Variants in ETFB observed in about 807,000 individuals in gnomAD.
ETFB encodes beta-ETF.
ETFB carries 20 observed loss-of-function variants against 25.6 expected under a neutral mutation model. The observed-to-expected ratio is 0.78, with a 90% CI of 0.55 to 1.14. The LOEUF (loss-of-function observed/expected upper bound fraction) is 1.14, where lower values mean the gene tolerates loss of function less well. Among genes scored for constraint, ETFB ranks in the 50% most tolerant of loss-of-function variants. ETFB has a pLI of 0.00. For synonymous variants in ETFB, 142 were observed against 146.7 expected (o/e 0.97, Z 0.23); for missense variants, 286 against 342.6 (o/e 0.83, Z 1.30).
chr19:51,350,909 T>C (rs1284742741), intron 3 of ETFB, among the ~76,000 whole-genome samples: 1 of 152,240 alleles, frequency 6.6e-6, no homozygotes, highest in Non-Finnish European at 1.5e-5. Context: ...AATGAATGTA[T>C]GTGGTGATGT....
chr19:51,360,260 A>G (rs114695141), intron 1 of ETFB, among the ~76,000 whole-genome samples: 2,593 of 151,838 alleles, frequency 0.017, 89 homozygotes, highest in African/African-American at 0.061. Context: ...AAATTAGTCG[A>G]GCGTTTTAGC....
At position 51,353,895 on chromosome 19, in the gene ETFB, G is replaced by A. The variant is rs575088011; in HGVS notation, c.216+255C>T. ...CCCATCCCCTTCTTCCTCAGACCCA[G>A]GAGTCCAGGGCCCCATCCCCTCCTT... On this transcript the variant is annotated intron_variant, in intron 2 of 5. Transcript: ENST00000309244. Among the ~76,000 whole-genome samples, 39 of 40,822 alleles carry A rather than the reference G, an allele frequency of 9.6e-4. 10 individuals carry two copies. Among genetic ancestry groups the A allele is most frequent in the African/African-American group, 3.7e-3 (21 of 5,676 alleles). 26.8% of individuals were successfully genotyped at this position (40,822 alleles called of 152,430 possible). A position where few individuals can be genotyped will look rare whatever the true frequency, so the allele number is the denominator to read the frequency against.
At chr19:51,358,392 C>T (rs915624118) in intron 1 of ETFB, among the ~76,000 whole-genome samples, 2 of 152,098 alleles carry the variant, frequency 1.3e-5, no homozygotes, top group African/African-American at 2.4e-5. Context: ...TGAGACCGGG[C>T]GCAGTGGCTC....
chr19:51,350,335 C>T lies in ETFB; in HGVS notation c.432G>A (p.Trp144Ter). The T allele has an allele frequency of 6.2e-7, 1 of 1,610,494 alleles. No individual in the cohort carries two copies. The highest frequency in any genetic ancestry group is 1.1e-5 in the South Asian group (1 of 90,194). ...CTCCCCACTCCAGTCTCACCTGTGGCCAGTCAAGAAATCCAGCTGTCATCT... is the reference window on the plus strand; with the variant it reads ...CTCCCCACTCCAGTCTCACCTGTGGTCAGTCAAGAAATCCAGCTGTCATCT... ...TGQMTAGFLDWPQGTFASQVT... is the reference protein window; with the variant it reads ...TGQMTAGFLD The change falls in exon 4 of 6, where the codon TGG (tryptophan) becomes TGA (stop). Residue 144 changes from tryptophan (W) to a stop codon, truncating the protein, a stop_gained. Coordinates refer to ENST00000309244, the MANE Select transcript of ETFB (RefSeq NM_001985.3). LOFTEE classifies it high-confidence loss of function.
At chr19:51,346,807 C>T in intron 5 of ETFB, 93 bp downstream of exon 5, 1 of 1,298,086 alleles carries the variant, frequency 7.7e-7, no homozygotes, top group South Asian at 1.3e-5. Flanking sequence ...TCCTTTGGAT[C>T]CTTCCCTCCC....
intron 1 of ETFB, 87 bp from the exon 2 acceptor site, chr19:51,354,395 T>A (rs1986023015): frequency 6.2e-7 from 1 of 1,614,002 alleles, no homozygotes; most frequent in Non-Finnish European, 8.5e-7. Context: ...CCAGGCTGGA[T>A]GAGGACAACG....
chr19:51,352,888 A>G (rs1030659626), intron 3 of ETFB, among the ~76,000 whole-genome samples: 1 of 152,136 alleles, frequency 6.6e-6, no homozygotes, highest in Admixed American at 6.5e-5. Flanking sequence ...TCGGCCTCCC[A>G]AAGTGCTGAG....
At chr19:51,359,187 G>A (rs915120676) in intron 1 of ETFB, among the ~76,000 whole-genome samples, 66 of 151,532 alleles carry the variant, frequency 4.4e-4, no homozygotes, top group African/African-American at 1.5e-3. Flanking sequence ...CAGTAGCTGG[G>A]ACCACAGGCG....
At chr19:51,354,531 A>G (rs1278419192) in intron 1 of ETFB, 1 of 1,614,120 alleles carries the variant, frequency 6.2e-7, no homozygotes, top group Non-Finnish European at 8.5e-7. Context: ...CCTGGGTACC[A>G]GGGACATCTG....
intron 5 of ETFB, 100 bp from the exon 6 acceptor site, chr19:51,345,481 G>A: frequency 8.1e-7 from 1 of 1,228,218 alleles, no homozygotes; most frequent in Admixed American, 1.9e-5. Flanking sequence ...CAGTCCCATG[G>A]GCTGAACCCT....
intron 3 of ETFB, among the ~76,000 whole-genome samples, chr19:51,350,848 G>A (rs1275151302): frequency 3.9e-5 from 6 of 152,172 alleles, no homozygotes; most frequent in Admixed American, 2.6e-4. Flanking sequence ...TCTCTGTCAC[G>A]GTGACTCAGC....
rs950215476 is a variant in ETFB at position 51,354,840 on chromosome 19, T to C, written c.58-532A>G. 6.9e-6 allele frequency: 4 copies of C among 576,728 alleles called. No individual in the cohort carries two copies. The African/African-American group carries it at 7.5e-5, about 11-fold the overall frequency. The allele number at this position is 576,728 out of a possible 1,614,324, so 35.7% of individuals were successfully genotyped here. The stretch of plus-strand genomic sequence containing the variant: ...TGCCCAGCACAGAAGCCTTTTGTTC[T>C]TTGCGTGACTGACAGGCTCCCAGGA... On this transcript the variant is annotated intron_variant, in intron 1 of 5. Transcript: ENST00000309244.
intron 1 of ETFB, among the ~76,000 whole-genome samples, chr19:51,362,300 G>A (rs11881164): frequency 0.032 from 4,850 of 152,098 alleles, 189 homozygotes; most frequent in African/African-American, 0.096. Context: ...TATTGCAGCT[G>A]GTCACAGTGG....
intron 1 of ETFB, among the ~76,000 whole-genome samples, chr19:51,361,227 G>A (rs929150666): frequency 6.6e-6 from 1 of 152,054 alleles, no homozygotes; most frequent in African/African-American, 2.4e-5. Context: ...CACCACGCCC[G>A]GCCCAAGAGG....
intron 3 of ETFB, 98 bp downstream of exon 3, chr19:51,353,034 C>G: frequency 6.7e-7 from 1 of 1,487,132 alleles, no homozygotes; most frequent in Non-Finnish European, 9.3e-7. Context: ...TGGTGAATGC[C>G]CTGGGCCTGG....
At chr19:51,366,222 G>C (rs757249379) in intron 1 of ETFB, 48 bp downstream of exon 1, 1 of 1,579,284 alleles carries the variant, frequency 6.3e-7, no homozygotes, top group East Asian at 2.2e-5. Flanking sequence ...GGCCCCGGAA[G>C]CACACGGCTG....
At chr19:51,346,566 A>C (rs1190364680) in intron 5 of ETFB, 1 of 295,104 alleles carries the variant, frequency 3.4e-6, no homozygotes, top group Non-Finnish European at 6.5e-6. Context: ...AAAATTACCA[A>C]GGGGACCCTC....
At chr19:51,350,412 G>T (rs768338384) in intron 3 of ETFB, 21 bp from the exon 4 acceptor site, 4 of 1,245,890 alleles carry the variant, frequency 3.2e-6, no homozygotes, top group Non-Finnish European at 4.7e-6. Flanking sequence ...AGAGACAGAA[G>T]ACTGTATGAC....
intron 3 of ETFB, among the ~76,000 whole-genome samples, chr19:51,350,658 T>C (rs1351616973): frequency 6.6e-6 from 1 of 152,034 alleles, no homozygotes; most frequent in Non-Finnish European, 1.5e-5. Context: ...CTAATTTTTG[T>C]ATTTTCAGTA....
Sources: gnomAD v4.1 joint callset for allele counts (sites outside exome capture counted in the v4.1 genomes callset) on GRCh38, gnomAD v4.1.1 for gene constraint, MANE v1.5 for transcripts, NCBI Gene and HGNC (gene_info 2026-07-23, HGNC 2026-07-21) for gene names.